Variants in RYR2 observed in about 807,000 individuals in gnomAD.
The protein encoded by RYR2 is cardiac muscle ryanodine receptor-calcium release channel.
RYR2 carries 227 observed loss-of-function variants against 601.1 expected under a neutral mutation model. The observed-to-expected ratio is 0.38, with a 90% CI of 0.34 to 0.42. The LOEUF (loss-of-function observed/expected upper bound fraction) is 0.42, where lower values mean the gene tolerates loss of function less well. Ranked by LOEUF, RYR2 falls within the 10% of genes least tolerant of loss-of-function variation. The pLI is 1.00. For synonymous variants in RYR2, 2,223 were observed against 2,175.1 expected, an observed-to-expected ratio of 1.02 and a Z score of -0.61; for missense variants, 4,646 against 6,156.5, an observed-to-expected ratio of 0.75 and a Z score of 8.21.
intron 1 of RYR2, among the ~76,000 whole-genome samples, chr1:237,056,390 GC>G (rs1294903176): frequency 2.1e-5 from 3 of 141,366 alleles, no homozygotes; most frequent in African/African-American, 5.3e-5. Context: ...GAGGACTGGA[GC>G]ACTGCACCTG....
intron 1 of RYR2, among the ~76,000 whole-genome samples, chr1:237,178,795 A>T (rs2148941261): frequency 1.3e-5 from 2 of 152,196 alleles, no homozygotes; most frequent in South Asian, 4.2e-4. Context: ...ACACAGCGAG[A>T]CCCTGTTTCA....
intron 8 of RYR2, among the ~76,000 whole-genome samples, chr1:237,385,393 G>A (rs891845470): frequency 9.9e-5 from 15 of 152,108 alleles, no homozygotes; most frequent in Admixed American, 5.2e-4. Flanking sequence ...ACTGCACATT[G>A]TATGCATGTA....
intron 1 of RYR2, among the ~76,000 whole-genome samples, chr1:237,261,456 C>T (rs1022643390): frequency 1.8e-4 from 27 of 152,194 alleles, no homozygotes; most frequent in Admixed American, 1.0e-3. Flanking sequence ...AATTTTCTGA[C>T]GATGCTAAGT....
chr1:237,687,547 G>A, intron 63 of RYR2, 43 bp downstream of exon 63: 8 of 1,503,008 alleles, frequency 5.3e-6, no homozygotes, highest in Non-Finnish European at 7.4e-6. Flanking sequence ...CCATCACTTG[G>A]TTTTCTTTGC....
At chr1:237,789,820 G>A (rs1004713727) in intron 92 of RYR2, among the ~76,000 whole-genome samples, 6 of 152,160 alleles carry the variant, frequency 3.9e-5, no homozygotes, top group African/African-American at 7.2e-5. Context: ...GGCCACATCC[G>A]TCTAACAAAG....
chr1:237,719,944 C>G (rs1689581899), intron 73 of RYR2, among the ~76,000 whole-genome samples: 1 of 152,144 alleles, frequency 6.6e-6, no homozygotes, highest in Non-Finnish European at 1.5e-5. Context: ...AGATTTGCAG[C>G]AATAGGAATA....
chr1:237,780,056 T>G (rs1694971745), intron 88 of RYR2, among the ~76,000 whole-genome samples: 1 of 152,100 alleles, frequency 6.6e-6, no homozygotes, highest in African/African-American at 2.4e-5. Context: ...CAGCCTGGAG[T>G]TTTCCCAGGC....
At chr1:237,560,199 C>T (rs1671308914) in intron 27 of RYR2, among the ~76,000 whole-genome samples, 3 of 152,256 alleles carry the variant, frequency 2.0e-5, no homozygotes, top group Admixed American at 2.0e-4. Flanking sequence ...TGGAGCTTCT[C>T]ACATCCCACT....
At chr1:237,177,240 CAT>C (rs1258566746) in intron 1 of RYR2, among the ~76,000 whole-genome samples, 2 of 152,140 alleles carry the variant, frequency 1.3e-5, no homozygotes, top group East Asian at 1.9e-4. Flanking sequence ...TATGTCATGA[CAT>C]ATCAAATTTT....
chr1:237,556,263 A>G (rs1384530494), intron 27 of RYR2, among the ~76,000 whole-genome samples: 1 of 143,098 alleles, frequency 7.0e-6, no homozygotes, highest in Non-Finnish European at 1.5e-5. Flanking sequence ...TGCAATTCTC[A>G]TTTCCATTTT....
chr1:237,424,336 A>G lies in RYR2; in HGVS notation c.1005+1088A>G, dbSNP rs960623534. 7.2e-5 allele frequency among the ~76,000 whole-genome samples: 11 copies of G among 152,302 alleles called. No individual in the cohort carries two copies. The East Asian group carries it at 2.1e-3, about 29-fold the overall frequency. On this transcript the variant is annotated intron_variant, in intron 12 of 104. Coordinates refer to ENST00000366574, the MANE Select transcript of RYR2 (RefSeq NM_001035.3). ...GACTTTGTATTTCTGCAATTACTAC[A>G]TACTCATCTAGGTATAGGCATCTTC...
At chr1:237,291,408 T>C (rs568826402) in intron 2 of RYR2, among the ~76,000 whole-genome samples, 7 of 152,166 alleles carry the variant, frequency 4.6e-5, no homozygotes, top group Non-Finnish European at 8.8e-5. Flanking sequence ...ATACTTTTAC[T>C]GTACAATCCA....
chr1:237,203,194 T>C (rs1386523399), intron 1 of RYR2, among the ~76,000 whole-genome samples: 1 of 152,174 alleles, frequency 6.6e-6, no homozygotes, highest in Admixed American at 6.5e-5. Context: ...AAGATCATTC[T>C]TGAGTCTGAT....
chr1:237,270,394 G>C (rs1689560761), intron 1 of RYR2, 103 bp from the exon 2 acceptor site: 1 of 1,478,888 alleles, frequency 6.8e-7, no homozygotes, highest in Non-Finnish European at 9.2e-7. Flanking sequence ...ATTCGGCACA[G>C]ATTTTTAAAA....
At chr1:237,189,257 G>A (rs759182561) in intron 1 of RYR2, among the ~76,000 whole-genome samples, 4 of 152,132 alleles carry the variant, frequency 2.6e-5, no homozygotes, top group Non-Finnish European at 4.4e-5. Flanking sequence ...GTCACGTTGT[G>A]TATATATTTA....
intron 68 of RYR2, among the ~76,000 whole-genome samples, chr1:237,707,938 ATT>A (rs57642607): frequency 0.6 from 72,575 of 120,270 alleles, 25,146 homozygotes; most frequent in Non-Finnish European, 0.79. Flanking sequence ...TGCCCAGCTA[ATT>A]TTTTTTTTTT....
At chr1:237,225,537 T>C (rs906848286) in intron 1 of RYR2, among the ~76,000 whole-genome samples, 36 of 152,076 alleles carry the variant, frequency 2.4e-4, no homozygotes, top group African/African-American at 8.7e-4. Context: ...ATGATTCAGT[T>C]ATGTGGGTCC....
At chr1:237,725,936 A>G (rs1025309844) in intron 74 of RYR2, among the ~76,000 whole-genome samples, 2 of 152,102 alleles carry the variant, frequency 1.3e-5, no homozygotes, top group African/African-American at 4.8e-5. Context: ...AAATTGAAGT[A>G]TGTTGGGTCT....
At chr1:237,530,395 T>C (rs147622676) in intron 24 of RYR2, 32 bp from the exon 25 acceptor site, 153 of 1,509,508 alleles carry the variant, frequency 1.0e-4, no homozygotes, top group African/African-American at 2.6e-4. Flanking sequence ...AGAGAAGAAA[T>C]GATCACACTT....
Sources: gnomAD v4.1 joint callset for allele counts (sites outside exome capture counted in the v4.1 genomes callset) on GRCh38, gnomAD v4.1.1 for gene constraint, MANE v1.5 for transcripts, NCBI Gene and HGNC (gene_info 2026-07-23, HGNC 2026-07-21) for gene names.